Variants in TIAM1 observed in about 807,000 individuals in gnomAD.
TIAM1 encodes rho guanine nucleotide exchange factor TIAM1.
TIAM1 carries 65 observed loss-of-function variants against 163.5 expected under a neutral mutation model. The observed-to-expected ratio is 0.40, with a 90% CI of 0.33 to 0.49. The LOEUF (loss-of-function observed/expected upper bound fraction) is 0.49. Among genes scored for constraint, TIAM1 ranks in the 20% least tolerant of loss-of-function variants. TIAM1 has a pLI of 0.77. For synonymous variants in TIAM1, 833 were observed against 810.1 expected (o/e 1.03, Z -0.48); for missense variants, 1,789 against 2,044.7 (o/e 0.87, Z 2.41).
intron 2 of TIAM1, among the ~76,000 whole-genome samples, chr21:31,411,286 G>A (rs1401218894): frequency 6.6e-6 from 1 of 152,082 alleles, no homozygotes; most frequent in Admixed American, 6.6e-5. Context: ...AAATACAGGG[G>A]ATGTCCTAGA....
At chr21:31,229,063 G>A (rs539674921) in intron 6 of TIAM1, among the ~76,000 whole-genome samples, 1 of 152,312 alleles carries the variant, frequency 6.6e-6, no homozygotes, top group East Asian at 1.9e-4. Flanking sequence ...TACAATTCAA[G>A]ATGAGATTTG....
chr21:31,274,604 C>A (rs1430625084), intron 3 of TIAM1, among the ~76,000 whole-genome samples: 3 of 152,194 alleles, frequency 2.0e-5, no homozygotes, highest in Admixed American at 6.5e-5. Flanking sequence ...AGCTGAAGAA[C>A]AGGAAACTTC....
At chr21:31,491,149 A>G (rs62221312) in intron 1 of TIAM1, among the ~76,000 whole-genome samples, 4 of 151,466 alleles carry the variant, frequency 2.6e-5, no homozygotes, top group Non-Finnish European at 5.9e-5. Flanking sequence ...AGAACGAAAG[A>G]AAGGAAGGGA....
intron 4 of TIAM1, among the ~76,000 whole-genome samples, chr21:31,260,609 T>C (rs1344085840): frequency 1.3e-5 from 2 of 151,538 alleles, no homozygotes; most frequent in East Asian, 1.9e-4. Flanking sequence ...AAAGAAGATA[T>C]ATATTCTTGT....
chr21:31,151,555 G>C (rs1222000272), intron 19 of TIAM1, among the ~76,000 whole-genome samples: 1 of 152,172 alleles, frequency 6.6e-6, no homozygotes, highest in East Asian at 1.9e-4. Context: ...AGCAGGGGTA[G>C]AGTGGGAGGG....
chr21:31,505,079 G>C (rs1015436691), intron 1 of TIAM1, among the ~76,000 whole-genome samples: 2 of 152,158 alleles, frequency 1.3e-5, no homozygotes, highest in African/African-American at 4.8e-5. Context: ...GAATGAGTGA[G>C]GACCCCATGG....
In TIAM1 at chr21:31,375,762, C is replaced by T. The variant is rs186677480; in HGVS notation, c.-368-36340G>A. Among the ~76,000 whole-genome samples, 459 of 152,292 alleles carry T rather than the reference C, an allele frequency of 3.0e-3. 4 individuals are homozygous for T. The highest frequency in any genetic ancestry group is 0.01 in the African/African-American group (434 of 41,558). ...GTAGAAAAAAGGCCAGGTGTGGTGG[C>T]TCACGCCTGTAATCCCAGCACTTTG... On this transcript the variant is annotated intron_variant, in intron 2 of 28. Transcript: ENST00000286827.
chr21:31,142,931 C>G (rs747199082), intron 20 of TIAM1, among the ~76,000 whole-genome samples: 9 of 152,066 alleles, frequency 5.9e-5, no homozygotes, highest in Non-Finnish European at 1.3e-4. Flanking sequence ...GGGGATGATA[C>G]GAAGCCGTGG....
At chr21:31,230,864 C>T (rs117656002) in intron 6 of TIAM1, among the ~76,000 whole-genome samples, 2,500 of 152,246 alleles carry the variant, frequency 0.016, 37 homozygotes, top group Non-Finnish European at 0.024. Flanking sequence ...AGAGGGGTTT[C>T]ACCGTGTTGG....
At chr21:31,228,152 C>T (rs2088105156) in intron 6 of TIAM1, among the ~76,000 whole-genome samples, 1 of 134,374 alleles carries the variant, frequency 7.4e-6, no homozygotes, top group Non-Finnish European at 1.5e-5. Context: ...ACCTCATGAT[C>T]CGCCTGCCTC....
At chr21:31,321,648 G>A (rs1292191159) in intron 2 of TIAM1, among the ~76,000 whole-genome samples, 1 of 150,260 alleles carries the variant, frequency 6.7e-6, no homozygotes, top group African/African-American at 2.4e-5. Flanking sequence ...ACCACACCCA[G>A]CCTCTTCTGT....
At chr21:31,225,593 T>G (rs1469030238) in intron 7 of TIAM1, 133 bp downstream of exon 7, 15 of 708,780 alleles carry the variant, frequency 2.1e-5, no homozygotes, top group Non-Finnish European at 3.3e-5. Flanking sequence ...AGTAAAGAAC[T>G]TAGCATCCTG....
intron 2 of TIAM1, among the ~76,000 whole-genome samples, chr21:31,444,889 T>C (rs973088362): frequency 4.6e-5 from 7 of 152,138 alleles, no homozygotes; most frequent in African/African-American, 1.7e-4. Context: ...TCCCAAGTAC[T>C]TGGGAAGCTG....
In TIAM1 at chr21:31,153,144, G is replaced by C; in HGVS notation, c.3172-10C>G. The C allele has an allele frequency of 6.2e-7, 1 of 1,601,962 alleles. No individual in the cohort carries two copies. Among genetic ancestry groups the C allele is most frequent in the Non-Finnish European group, 8.5e-7 (1 of 1,174,814 alleles). On this transcript the variant is annotated splice_polypyrimidine_tract_variant and intron_variant, in intron 17 of 27. Coordinates refer to ENST00000541036, the MANE Select transcript of TIAM1 (RefSeq NM_001353694.2). ...TAAGACAGTTTAAATCCTAAGAATTGAAAAGAGAACTCATTAGCTTATGTG... is the reference window on the plus strand; with the variant it reads ...TAAGACAGTTTAAATCCTAAGAATTCAAAAGAGAACTCATTAGCTTATGTG...
chr21:31,385,803 T>A (rs986137302), intron 2 of TIAM1, among the ~76,000 whole-genome samples: 1 of 147,290 alleles, frequency 6.8e-6, no homozygotes, highest in Non-Finnish European at 1.5e-5. Flanking sequence ...ATTTTAATAA[T>A]ATTTAATTTA....
intron 2 of TIAM1, among the ~76,000 whole-genome samples, chr21:31,427,289 AT>A (rs1602252486): frequency 6.6e-6 from 1 of 152,126 alleles, no homozygotes; most frequent in African/African-American, 2.4e-5. Context: ...GATCGAGACC[AT>A]CCTGGCTAAT....
intron 14 of TIAM1, among the ~76,000 whole-genome samples, chr21:31,186,378 C>T (rs921717208): frequency 6.6e-6 from 1 of 152,172 alleles, no homozygotes; most frequent in African/African-American, 2.4e-5. Flanking sequence ...ACAGAGGGGT[C>T]TTCCCCCATG....
At chr21:31,404,654 T>C (rs2077218771) in intron 2 of TIAM1, among the ~76,000 whole-genome samples, 1 of 152,016 alleles carries the variant, frequency 6.6e-6, no homozygotes, top group Non-Finnish European at 1.5e-5. Context: ...AGACTTGAGC[T>C]ACCACTTCCA....
At position 31,423,160 on chromosome 21, in the gene TIAM1, A is replaced by G. The variant is rs201870031; in HGVS notation, c.-369+40823T>C. 1.7e-4 allele frequency among the ~76,000 whole-genome samples: 21 copies of G among 124,526 alleles called. No homozygotes were observed. The South Asian group carries it at 5.2e-3, about 31-fold the overall frequency. 81.7% of individuals were successfully genotyped at this position (124,526 alleles called of 152,430 possible). A position where few individuals can be genotyped will look rare whatever the true frequency, so the allele number is the denominator to read the frequency against. On this transcript the variant is annotated intron_variant, in intron 2 of 28. Transcript: ENST00000286827. ...GTCACCCAGGCTGGAGTGCAGTGGCATGATCTCCGCTCACTGCAAGCTCCG... is the reference window on the plus strand; with the variant it reads ...GTCACCCAGGCTGGAGTGCAGTGGCGTGATCTCCGCTCACTGCAAGCTCCG...
Sources: gnomAD v4.1 joint callset for allele counts (sites outside exome capture counted in the v4.1 genomes callset) on GRCh38, gnomAD v4.1.1 for gene constraint, MANE v1.5 for transcripts, NCBI Gene and HGNC (gene_info 2026-07-23, HGNC 2026-07-21) for gene names.